WDR7: variants seen among roughly 807,000 people sequenced by gnomAD.
WDR7 encodes WD repeat-containing protein 7.
A neutral mutation model predicts 169.4 loss-of-function variants in WDR7; 46 were observed. The ratio of observed to expected loss-of-function variants is 0.27; its 90% CI spans 0.21 to 0.35. The LOEUF (loss-of-function observed/expected upper bound fraction) is 0.35, where lower values mean the gene tolerates loss of function less well. WDR7 is among the 10% of genes least tolerant of loss of function. The pLI is 1.00. For missense variants in WDR7, 1,534 were observed against 1,859.3 expected (o/e 0.83, Z 3.22); for synonymous variants, 612 against 666.8 (o/e 0.92, Z 1.27).
chr18:56,900,454 A>G (rs182976298), intron 21 of WDR7, among the ~76,000 whole-genome samples: 190 of 152,232 alleles, frequency 1.2e-3, no homozygotes, highest in African/African-American at 3.7e-3. Context: ...AGTTTAATAC[A>G]AAGAGCTTCT....
At chr18:56,683,541 G>T (rs1018633863) in intron 5 of WDR7, among the ~76,000 whole-genome samples, 6 of 152,040 alleles carry the variant, frequency 3.9e-5, no homozygotes, top group African/African-American at 1.4e-4. Flanking sequence ...ACTACCACCG[G>T]TATCAGCAGC....
chr18:56,730,202 C>T (rs1265484683), intron 13 of WDR7, among the ~76,000 whole-genome samples: 1 of 152,146 alleles, frequency 6.6e-6, no homozygotes, highest in Middle Eastern at 3.2e-3. Context: ...GTGCAGTTTA[C>T]ATTCTGGGTG....
intron 1 of WDR7, among the ~76,000 whole-genome samples, chr18:56,665,365 A>G (rs1045028527): frequency 2.2e-5 from 3 of 137,488 alleles, no homozygotes; most frequent in East Asian, 2.2e-4. Flanking sequence ...TAACTGTATT[A>G]TAATGGAAAA....
intron 18 of WDR7, 86 bp downstream of exon 18, chr18:56,779,635 T>G: frequency 1.1e-6 from 1 of 920,072 alleles, no homozygotes; most frequent in South Asian, 1.7e-5. Flanking sequence ...TGATTACTGT[T>G]TATCTGATTT....
intron 5 of WDR7, among the ~76,000 whole-genome samples, chr18:56,685,438 G>A (rs1424790989): frequency 2.6e-5 from 4 of 152,118 alleles, no homozygotes; most frequent in South Asian, 2.1e-4. Flanking sequence ...ATTCCTGTAC[G>A]TGACCCTGGT....
In WDR7 at chr18:56,756,624, A is replaced by G. The variant is rs369727777; in HGVS notation, c.2031A>G (p.Gln677=). 169 of 1,612,408 alleles carry G rather than the reference A, an allele frequency of 1.0e-4. 1 individual carries two copies. Among genetic ancestry groups the G allele is most frequent in the Middle Eastern group, 9.9e-4 (6 of 6,084 alleles). ...PKYSHNSLMV[Q]AIKTNLTDPD... ...ATTCTCATAACTCCCTGATGGTTCA[A>G]GCAATAAAGACAAACCTAACAGACC... The change falls in exon 15 of 28, where the codon CAA becomes CAG. Residue 677 remains glutamine (Q), a synonymous_variant. Transcript: ENST00000254442.
chr18:56,855,584 C>G (rs570439286), intron 20 of WDR7, among the ~76,000 whole-genome samples: 1 of 152,086 alleles, frequency 6.6e-6, no homozygotes, highest in Admixed American at 6.6e-5. Flanking sequence ...CATTTTGATT[C>G]ATATAAATAA....
At chr18:56,974,014 G>A (rs972639734) in intron 26 of WDR7, among the ~76,000 whole-genome samples, 12 of 152,154 alleles carry the variant, frequency 7.9e-5, no homozygotes, top group African/African-American at 1.9e-4. Flanking sequence ...AAAGACTCTT[G>A]TCTCCATTGT....
intron 21 of WDR7, among the ~76,000 whole-genome samples, chr18:56,909,031 A>C (rs1183909885): frequency 2.0e-5 from 3 of 152,160 alleles, no homozygotes; most frequent in Admixed American, 2.0e-4. Flanking sequence ...GAGGCATATA[A>C]TATATCAAGA....
chr18:56,882,420 T>A (rs2046121607), intron 21 of WDR7, among the ~76,000 whole-genome samples: 3 of 152,254 alleles, frequency 2.0e-5, no homozygotes. Flanking sequence ...TACAACTTTT[T>A]AATTGCAAAA....
At chr18:56,876,785 A>G (rs567315210) in intron 20 of WDR7, among the ~76,000 whole-genome samples, 1 of 152,354 alleles carries the variant, frequency 6.6e-6, no homozygotes, top group Non-Finnish European at 1.5e-5. Context: ...AACAGAAGAA[A>G]GAGATAATCT....
At chr18:56,718,897 A>T (rs1036915213) in intron 13 of WDR7, among the ~76,000 whole-genome samples, 1 of 152,160 alleles carries the variant, frequency 6.6e-6, no homozygotes, top group Non-Finnish European at 1.5e-5. Flanking sequence ...TTTAAATAGC[A>T]TTTTTTGAAA....
chr18:56,696,086 G>A (rs1278581484), intron 11 of WDR7, among the ~76,000 whole-genome samples, 156 bp from the exon 12 acceptor site: 2 of 152,228 alleles, frequency 1.3e-5, no homozygotes, highest in Non-Finnish European at 2.9e-5. Context: ...GTGGCTAGTA[G>A]ATACTGAATT....
intron 26 of WDR7, among the ~76,000 whole-genome samples, chr18:57,013,789 C>A (rs1164777105): frequency 6.6e-6 from 1 of 152,186 alleles, no homozygotes; most frequent in Non-Finnish European, 1.5e-5. Flanking sequence ...TGTCCATTGG[C>A]TTAGGTGTGC....
chr18:56,775,572 A>G (rs1052116689), intron 16 of WDR7, among the ~76,000 whole-genome samples: 3 of 152,176 alleles, frequency 2.0e-5, no homozygotes, highest in African/African-American at 4.8e-5. Flanking sequence ...TAATTTCATA[A>G]GGAACAAAAA....
chr18:56,748,888 C>T (rs1238560408), intron 14 of WDR7, among the ~76,000 whole-genome samples: 1 of 151,984 alleles, frequency 6.6e-6, no homozygotes, highest in African/African-American at 2.4e-5. Flanking sequence ...ATTTCAGTCT[C>T]CACAGTTTCT....
intron 26 of WDR7, among the ~76,000 whole-genome samples, chr18:56,968,598 G>C (rs1386421589): frequency 6.6e-6 from 1 of 152,186 alleles, no homozygotes; most frequent in East Asian, 1.9e-4. Flanking sequence ...AGCAAAGATT[G>C]ATGGTATCTA....
intron 26 of WDR7, among the ~76,000 whole-genome samples, chr18:57,017,680 G>A (rs1020318217): frequency 1.3e-5 from 2 of 152,154 alleles, no homozygotes; most frequent in Non-Finnish European, 2.9e-5. Context: ...TACATAGAAT[G>A]AGCATAAATT....
intron 19 of WDR7, among the ~76,000 whole-genome samples, chr18:56,807,665 G>T (rs566275201): frequency 3.6e-5 from 5 of 139,308 alleles, no homozygotes; most frequent in Non-Finnish European, 7.7e-5. Flanking sequence ...TTATATGAGA[G>T]CAGTTTTCTA....
Sources: allele counts gnomAD v4.1 joint callset (sites outside exome capture counted in the v4.1 genomes callset), GRCh38; gene constraint gnomAD v4.1.1; transcripts MANE v1.5; gene names NCBI Gene and HGNC (gene_info 2026-07-23, HGNC 2026-07-21).